Variants in CCDC181 observed in about 807,000 individuals in gnomAD.
CCDC181 encodes the protein coiled-coil domain-containing protein 181.
Under a neutral mutation model 58.7 loss-of-function variants are expected in CCDC181, and 35 were observed. The observed-to-expected ratio is 0.60, with a 90% CI of 0.46 to 0.79. The LOEUF is 0.79. Among genes scored for constraint, CCDC181 ranks in the 30% least tolerant of loss-of-function variants. The pLI is 0.00. For missense variants in CCDC181, 517 were observed against 583.9 expected, an observed-to-expected ratio of 0.89 and a Z score of 1.18; for synonymous variants, 183 against 197.5, an observed-to-expected ratio of 0.93 and a Z score of 0.62.
intron 2 of CCDC181, among the ~76,000 whole-genome samples, chr1:169,459,156 C>A (rs1198268764): frequency 2.0e-5 from 3 of 152,118 alleles, no homozygotes; most frequent in Non-Finnish European, 2.9e-5. Flanking sequence ...ATAAAATAAT[C>A]ATGGAACCAG....
chr1:169,436,640 A>G (rs145439694), intron 2 of CCDC181, among the ~76,000 whole-genome samples: 65 of 152,348 alleles, frequency 4.3e-4, no homozygotes, highest in African/African-American at 1.5e-3. Flanking sequence ...TTAAATTGCA[A>G]TATCGTACAA....
upstream of CCDC181, among the ~76,000 whole-genome samples, chr1:169,431,736 T>C (rs1007036000): frequency 6.6e-6 from 1 of 152,154 alleles, no homozygotes; most frequent in East Asian, 1.9e-4. Context: ...AGCTTTAACA[T>C]AGTTCATGAG....
At chr1:169,438,485 C>T (rs1237462733) in intron 2 of CCDC181, among the ~76,000 whole-genome samples, 2 of 152,160 alleles carry the variant, frequency 1.3e-5, no homozygotes, top group African/African-American at 4.8e-5. Flanking sequence ...AAGCCATAGG[C>T]AAAAGATTCT....
At chr1:169,444,175 A>G (rs1041802915) in intron 2 of CCDC181, among the ~76,000 whole-genome samples, 3 of 152,160 alleles carry the variant, frequency 2.0e-5, no homozygotes, top group Admixed American at 6.5e-5. Context: ...AAGTGCCAAC[A>G]CCCTTCATTG....
intron 3 of CCDC181, among the ~76,000 whole-genome samples, chr1:169,419,919 C>G (rs968770096): frequency 1.3e-5 from 2 of 152,172 alleles, no homozygotes; most frequent in African/African-American, 4.8e-5. Context: ...CAAAGCCTTC[C>G]CCTGAAACCA....
chr1:169,426,523 G>A (rs1179526886), intron 1 of CCDC181, among the ~76,000 whole-genome samples: 1 of 152,178 alleles, frequency 6.6e-6, no homozygotes, highest in Non-Finnish European at 1.5e-5. Flanking sequence ...AATCCCATGT[G>A]GATAGGTGAA....
chr1:169,451,341 T>A (rs959432695), intron 2 of CCDC181: 4 of 152,136 alleles, frequency 2.6e-5, no homozygotes, highest in African/African-American at 9.7e-5. Context: ...TTAATGGTAA[T>A]AATTAGCATA....
rs116713794 is a variant in CCDC181 at position 169,459,437 on chromosome 1, G to A, written c.-24+360C>T. 2.4e-3 allele frequency among the ~76,000 whole-genome samples: 361 copies of A among 152,266 alleles called. 1 individual carries two copies. Among genetic ancestry groups the A allele is most frequent in the Middle Eastern group, 0.014 (4 of 294 alleles). ...CCCGGTCCAGAATCCCTGGCTCAATGCTGGAATCCCTTCATCATTAGACAT... is the reference window on the plus strand; with the variant it reads ...CCCGGTCCAGAATCCCTGGCTCAATACTGGAATCCCTTCATCATTAGACAT... On this transcript the variant is annotated intron_variant, in intron 2 of 6. Transcript: ENST00000545005.
chr1:169,423,495 T>G (rs573943637), intron 2 of CCDC181, among the ~76,000 whole-genome samples: 5 of 152,102 alleles, frequency 3.3e-5, no homozygotes, highest in African/African-American at 1.2e-4. Context: ...CTCTTATGTG[T>G]CTCTAGCTCA....
intron 2 of CCDC181, among the ~76,000 whole-genome samples, chr1:169,440,360 C>G (rs776028434): frequency 5.9e-5 from 9 of 152,206 alleles, no homozygotes; most frequent in Non-Finnish European, 1.2e-4. Flanking sequence ...GTTCACCTTG[C>G]CCACTGCCTA....
chr1:169,399,501 G>A (rs1349061924), intron 4 of CCDC181, among the ~76,000 whole-genome samples: 1 of 151,962 alleles, frequency 6.6e-6, no homozygotes, highest in African/African-American at 2.4e-5. Context: ...AGACTGCATT[G>A]GTATGCAAAT....
intron 4 of CCDC181, among the ~76,000 whole-genome samples, chr1:169,398,939 G>A (rs971535582): frequency 1.6e-4 from 25 of 152,278 alleles, no homozygotes; most frequent in African/African-American, 6.0e-4. Context: ...GAAAAACAGT[G>A]GTAACAATAA....
intron 2 of CCDC181, among the ~76,000 whole-genome samples, chr1:169,447,790 G>A (rs1657416031): frequency 6.6e-6 from 1 of 151,978 alleles, no homozygotes; most frequent in Non-Finnish European, 1.5e-5. Context: ...TCTGAATTTT[G>A]TATTGTCTGA....
At chr1:169,434,096 A>G (rs12048925) in intron 2 of CCDC181, among the ~76,000 whole-genome samples, 12,804 of 152,036 alleles carry the variant, frequency 0.084, 736 homozygotes, top group Admixed American at 0.19. Context: ...ACTCAACAAC[A>G]ATTATAAAAA....
intron 2 of CCDC181, among the ~76,000 whole-genome samples, chr1:169,452,148 C>T (rs1657559716): frequency 6.6e-6 from 1 of 151,474 alleles, no homozygotes; most frequent in Non-Finnish European, 1.5e-5. Context: ...CAGGATTACA[C>T]CTTAGGTTAC....
chr1:169,414,873 G>A (rs1034748197), intron 4 of CCDC181, among the ~76,000 whole-genome samples: 4 of 152,126 alleles, frequency 2.6e-5, no homozygotes, highest in Non-Finnish European at 5.9e-5. Flanking sequence ...TTCAGCTTGA[G>A]TAGAGACAAA....
intron 2 of CCDC181, among the ~76,000 whole-genome samples, chr1:169,442,362 A>G (rs1657253877): frequency 6.6e-6 from 1 of 152,034 alleles, no homozygotes; most frequent in Admixed American, 6.5e-5. Flanking sequence ...AAAAAAAAGT[A>G]CAAATGTCTT....
chr1:169,423,601 G>A (rs1656588640), intron 2 of CCDC181, among the ~76,000 whole-genome samples: 2 of 151,870 alleles, frequency 1.3e-5, no homozygotes, highest in South Asian at 4.1e-4. Flanking sequence ...TTTTATTCCT[G>A]CTATATATAT....
intron 2 of CCDC181, among the ~76,000 whole-genome samples, chr1:169,440,931 T>TAACAAAAAAAAAAAAA (rs1657206695): frequency 1.3e-5 from 1 of 76,904 alleles, no homozygotes. Flanking sequence ...CAAGACTGTC[T>TAACAAAAAAAAAAAAA]AAAAAAAAAA....
Sources: allele counts gnomAD v4.1 joint callset (sites outside exome capture counted in the v4.1 genomes callset), GRCh38; gene constraint gnomAD v4.1.1; transcripts MANE v1.5; gene names NCBI Gene and HGNC (gene_info 2026-07-23, HGNC 2026-07-21).